The following TTC7A variants were observed in gnomAD, a reference collection of about 807,000 sequenced individuals.
The protein encoded by TTC7A is tetratricopeptide repeat protein 7A.
TTC7A carries 110 observed loss-of-function variants against 103.7 expected under a neutral mutation model. The observed-to-expected ratio is 1.06, with a 90% CI of 0.91 to 1.24. The LOEUF (loss-of-function observed/expected upper bound fraction) is 1.24. TTC7A is among the 50% of genes most tolerant of loss of function. The pLI is 0.00. For synonymous variants in TTC7A, 521 were observed against 467.9 expected, an observed-to-expected ratio of 1.11 and a Z score of -1.47; for missense variants, 1,340 against 1,116.3, an observed-to-expected ratio of 1.20 and a Z score of -2.86.
intron 3 of TTC7A, among the ~76,000 whole-genome samples, chr2:46,959,784 C>G (rs193043146): frequency 6.6e-6 from 1 of 152,068 alleles, no homozygotes; most frequent in South Asian, 2.1e-4. Flanking sequence ...GACATCAACC[C>G]GGGAGCCTGA....
intron 5 of TTC7A, among the ~76,000 whole-genome samples, chr2:46,981,793 G>GATACTGATA (rs1674492784): frequency 6.6e-6 from 1 of 152,220 alleles, no homozygotes; most frequent in African/African-American, 2.4e-5. Flanking sequence ...CTGCCCAATG[G>GATACTGATA]AGCTGCTTAT....
At position 47,000,946 on chromosome 2, in the gene TTC7A, A is replaced by G. The variant is rs1676744642; in HGVS notation, c.1066-4976A>G. Among the ~76,000 whole-genome samples, 3 of 152,108 alleles carry G rather than the reference A, an allele frequency of 2.0e-5. No homozygotes were observed. In the South Asian group the frequency reaches 6.2e-4, roughly 32 times the overall value. Reference sequence around the variant, plus strand: ...CAGCCCAGGGTCTCTTATGGCACGGATGAGGCTATTGGGCACTTCCTCGGA... The same window carrying G: ...CAGCCCAGGGTCTCTTATGGCACGGGTGAGGCTATTGGGCACTTCCTCGGA... On this transcript the variant is annotated intron_variant, in intron 8 of 19. Transcript: ENST00000319190.
At chr2:46,949,393 T>G (rs1313677454) in intron 1 of TTC7A, among the ~76,000 whole-genome samples, 1 of 152,046 alleles carries the variant, frequency 6.6e-6, no homozygotes, top group Admixed American at 6.6e-5. Flanking sequence ...TCATCATGCC[T>G]GGCTAATTTT....
chr2:47,033,709 C>A (rs575408501), intron 15 of TTC7A, among the ~76,000 whole-genome samples: 103 of 152,314 alleles, frequency 6.8e-4, no homozygotes, highest in African/African-American at 2.4e-3. Context: ...TTGTGAGACT[C>A]AGGAGAGGGC....
chr2:47,041,368 C>T (rs11125112), intron 15 of TTC7A, among the ~76,000 whole-genome samples: 15,816 of 152,182 alleles, frequency 0.1, 1,564 homozygotes, highest in East Asian at 0.5. Context: ...CAGGTGGGGA[C>T]GCACGATGAG....
intron 5 of TTC7A, among the ~76,000 whole-genome samples, chr2:46,980,787 A>G (rs1012605390): frequency 1.3e-5 from 2 of 152,314 alleles, no homozygotes; most frequent in Non-Finnish European, 2.9e-5. Context: ...TTCTGTCTCA[A>G]CTGGCTACAA....
At chr2:46,971,940 AAGAC>A (rs1157785375) in intron 3 of TTC7A, among the ~76,000 whole-genome samples, 2 of 150,160 alleles carry the variant, frequency 1.3e-5, no homozygotes, top group Non-Finnish European at 3.0e-5. Flanking sequence ...AAAAGAAAGA[AAGAC>A]AGGAAGGGAC....
chr2:47,009,933 G>T lies in TTC7A; in HGVS notation c.1288-1398G>T, dbSNP rs1192925375. On this transcript the variant is annotated intron_variant, in intron 10 of 19. Transcript: ENST00000319190. ...GTGGGGGGGACAGGGGAGGGGGCGC[G>T]CAGGGAAACAGGCCGCCTTTCTGGC... 1.7e-4 allele frequency among the ~76,000 whole-genome samples: 26 copies of T among 148,766 alleles called. 1 individual carries two copies. Among genetic ancestry groups the T allele is most frequent in the Admixed American group, 1.6e-3 (24 of 14,878 alleles).
intron 10 of TTC7A, among the ~76,000 whole-genome samples, chr2:47,010,559 G>GC (rs1677934548): frequency 6.9e-6 from 1 of 145,846 alleles, no homozygotes; most frequent in Non-Finnish European, 1.5e-5. Context: ...AGTCCCTGAA[G>GC]CCTGGGGGGA....
chr2:46,978,564 A>AAAAAAAAAAAG (rs1419466981), intron 4 of TTC7A, among the ~76,000 whole-genome samples: 1 of 149,180 alleles, frequency 6.7e-6, no homozygotes, highest in East Asian at 1.9e-4. Flanking sequence ...CTGTTTCTTA[A>AAAAAAAAAAAG]AAAAAAAAAA....
intron 3 of TTC7A, among the ~76,000 whole-genome samples, chr2:46,962,387 C>T (rs1158416052): frequency 2.0e-5 from 3 of 152,146 alleles, no homozygotes; most frequent in Admixed American, 2.0e-4. Flanking sequence ...AGTTAGGGGT[C>T]AGTATGTTCC....
intron 16 of TTC7A, chr2:47,046,980 G>A (rs923718365): frequency 3.4e-5 from 12 of 353,170 alleles, no homozygotes; most frequent in African/African-American, 2.1e-4. Context: ...AGTCACCCAC[G>A]GTCTTCATGC....
intron 4 of TTC7A, among the ~76,000 whole-genome samples, chr2:46,976,786 C>T (rs1256863162): frequency 6.6e-6 from 1 of 152,220 alleles, no homozygotes; most frequent in Admixed American, 6.5e-5. Context: ...TCTTCAGTTA[C>T]TGGCAACTGT....
intron 18 of TTC7A, among the ~76,000 whole-genome samples, chr2:47,060,299 G>A (rs565190236): frequency 6.6e-6 from 1 of 152,058 alleles, no homozygotes; most frequent in Admixed American, 6.5e-5. Flanking sequence ...GAACCCAGGG[G>A]GCAGAGGTTA....
chr2:46,946,739 A>G (rs571909006), intron 1 of TTC7A, among the ~76,000 whole-genome samples: 2 of 152,204 alleles, frequency 1.3e-5, no homozygotes, highest in South Asian at 4.1e-4. Flanking sequence ...TTGTTTAACA[A>G]CTATAAGTCT....
At chr2:47,069,156 G>C (rs1418299579) in intron 19 of TTC7A, among the ~76,000 whole-genome samples, 1 of 152,060 alleles carries the variant, frequency 6.6e-6, no homozygotes, top group Non-Finnish European at 1.5e-5. Flanking sequence ...TACAGACCTA[G>C]AACCTGATAC....
intron 19 of TTC7A, among the ~76,000 whole-genome samples, chr2:47,061,831 T>G (rs757807232): frequency 1.3e-5 from 2 of 148,640 alleles, no homozygotes; most frequent in Non-Finnish European, 2.9e-5. Context: ...CGGATAAATA[T>G]AGTGATCTGG....
chr2:47,066,237 G>T (rs899876938), intron 19 of TTC7A: 6 of 152,216 alleles, frequency 3.9e-5, no homozygotes. Context: ...CTGCCAGTGT[G>T]GAGCAGGCCG....
At chr2:46,958,490 T>C in intron 3 of TTC7A, 1 of 1,304,042 alleles carries the variant, frequency 7.7e-7, no homozygotes, top group Non-Finnish European at 1.0e-6. Context: ...CTCTCCTCTT[T>C]CCAGCATGCC....
Sources: allele counts gnomAD v4.1 joint callset (sites outside exome capture counted in the v4.1 genomes callset), GRCh38; gene constraint gnomAD v4.1.1; transcripts MANE v1.5; gene names NCBI Gene and HGNC (gene_info 2026-07-23, HGNC 2026-07-21).